The following MAP4K3 variants were observed in gnomAD, a reference collection of about 807,000 sequenced individuals.
MAP4K3 encodes the protein MAPK/ERK kinase kinase kinase 3.
In MAP4K3, 94 loss-of-function variants were observed where a neutral mutation model predicts 143.5. The observed-to-expected ratio is 0.65, with a 90% CI of 0.55 to 0.78. MAP4K3 has a LOEUF of 0.78. Ranked by LOEUF, MAP4K3 falls within the 30% of genes least tolerant of loss-of-function variation. The pLI is 0.00. For synonymous variants in MAP4K3, 416 were observed against 347.2 expected (o/e 1.20, Z -2.20); for missense variants, 1,077 against 1,068.1 (o/e 1.01, Z -0.12).
In MAP4K3 at chr2:39,409,331, A is replaced by C. The variant is rs75017236; in HGVS notation, c.96+27561T>G. On this transcript the variant is annotated intron_variant, in intron 1 of 33. Transcript: ENST00000263881. ...GACTATTAGTGGTTAAGCTTTGGGG[A>C]AGTCAAAAAGTTATACATGGATTTT... Among the ~76,000 whole-genome samples, 281 of 152,334 alleles carry C rather than the reference A, an allele frequency of 1.8e-3. 1 individual carries two copies. The highest frequency in any genetic ancestry group is 3.4e-3 in the Middle Eastern group (1 of 294).
At chr2:39,318,084 TGTCCTCTGCAGC>T (rs1213173070) in intron 12 of MAP4K3, among the ~76,000 whole-genome samples, 1 of 152,056 alleles carries the variant, frequency 6.6e-6, no homozygotes, top group African/African-American at 2.4e-5. Flanking sequence ...AACGAGATAG[TGTCCTCTGCAGC>T]AACAAGGATG....
At chr2:39,404,144 C>T (rs371175120) in intron 1 of MAP4K3, among the ~76,000 whole-genome samples, 34 of 152,144 alleles carry the variant, frequency 2.2e-4, no homozygotes, top group East Asian at 1.7e-3. Context: ...TGAAAACCAG[C>T]GCATGCCCAG....
chr2:39,312,964 A>G (rs1682990973), intron 13 of MAP4K3, among the ~76,000 whole-genome samples: 1 of 152,214 alleles, frequency 6.6e-6, no homozygotes, highest in Non-Finnish European at 1.5e-5. Flanking sequence ...ATGCTGTCTT[A>G]CTAAAAGCCG....
chr2:39,406,878 A>C (rs559924150), intron 1 of MAP4K3, among the ~76,000 whole-genome samples: 6 of 152,314 alleles, frequency 3.9e-5, no homozygotes, highest in African/African-American at 1.4e-4. Flanking sequence ...AGAAAAACTA[A>C]AAGAAAAGAA....
intron 1 of MAP4K3, among the ~76,000 whole-genome samples, chr2:39,430,937 T>C (rs931940317): frequency 6.6e-6 from 1 of 152,220 alleles, no homozygotes; most frequent in Non-Finnish European, 1.5e-5. Flanking sequence ...TCTAAACTCA[T>C]GTAGCCATGG....
intron 13 of MAP4K3, among the ~76,000 whole-genome samples, chr2:39,311,509 G>C (rs114989520): frequency 5.3e-5 from 8 of 152,296 alleles, no homozygotes; most frequent in African/African-American, 1.9e-4. Context: ...CATTGGATCA[G>C]CGTTGGCTGA....
At chr2:39,402,104 G>A (rs952389604) in intron 1 of MAP4K3, among the ~76,000 whole-genome samples, 4 of 151,902 alleles carry the variant, frequency 2.6e-5, no homozygotes, top group Non-Finnish European at 4.4e-5. Flanking sequence ...TAGAAACACG[G>A]ACTACGAAAA....
Position 39,290,354 on chromosome 2 carries a change from G to T in MAP4K3, c.1272-20C>A. 2 of 1,559,428 alleles carry T rather than the reference G, an allele frequency of 1.3e-6. No homozygotes were observed. The highest frequency in any genetic ancestry group is 1.8e-6 in the Non-Finnish European group (2 of 1,140,016). On this transcript the variant is annotated intron_variant, in intron 18 of 33. Transcript: ENST00000263881. The stretch of plus-strand genomic sequence containing the variant: ...GTTGAGCTAAAAACAGAAAAGTTTA[G>T]AATCAGAACTATTCATTTTACAAAT...
chr2:39,335,954 T>G (rs3770660), intron 6 of MAP4K3, among the ~76,000 whole-genome samples: 1 of 152,022 alleles, frequency 6.6e-6, no homozygotes, highest in South Asian at 2.1e-4. Context: ...AAAATCTTTA[T>G]GTTAGAGAAA....
At chr2:39,389,147 G>A (rs1666586629) in intron 1 of MAP4K3, among the ~76,000 whole-genome samples, 1 of 152,060 alleles carries the variant, frequency 6.6e-6, no homozygotes, top group Middle Eastern at 3.4e-3. Flanking sequence ...AGAAGCAAGA[G>A]GCTAACAAAA....
chr2:39,271,700 T>C, intron 26 of MAP4K3, among the ~76,000 whole-genome samples: 1 of 152,256 alleles, frequency 6.6e-6, no homozygotes, highest in South Asian at 2.1e-4. Context: ...CCACTGATCC[T>C]CCCACTTCAG....
chr2:39,268,646 T>TTTTTTTC (rs1680880901), intron 26 of MAP4K3, among the ~76,000 whole-genome samples: 2 of 122,936 alleles, frequency 1.6e-5, no homozygotes, highest in Non-Finnish European at 3.6e-5. Context: ...TTTTTTTTTT[T>TTTTTTTC]TTTTTTTTTT....
intron 1 of MAP4K3, among the ~76,000 whole-genome samples, chr2:39,382,403 C>T (rs543932663): frequency 6.6e-6 from 1 of 152,304 alleles, no homozygotes; most frequent in East Asian, 1.9e-4. Context: ...AATACAAGTT[C>T]TGAGTGAGAG....
Position 39,299,791 on chromosome 2 carries a change from A to T in MAP4K3, c.1130T>A (p.Leu377Gln), listed in dbSNP as rs372032525. 83 of 1,571,608 alleles carry T rather than the reference A, an allele frequency of 5.3e-5. No homozygotes were observed. The highest frequency in any genetic ancestry group is 4.2e-4 in the Admixed American group (23 of 54,388). The change falls in exon 16 of 34, where the codon CTG (leucine) becomes CAG (glutamine). Residue 377 changes from leucine to glutamine, a missense_variant. Around this residue, in one of 2 missense-constraint regions of MAP4K3, gnomAD observed 864 missense variants for 801.2 expected, o/e 1.08. Transcript: ENST00000263881. ...ACCTTGGTGTCCTTGTCCATATTCC[A>T]GTTGCAGATCCTAATAGTACAAAAT... ...YTARSNLDLQLEYGQGHQGGY... is the reference protein window; with the variant it reads ...YTARSNLDLQQEYGQGHQGGY...
chr2:39,302,694 T>C (rs1020555958), intron 15 of MAP4K3, among the ~76,000 whole-genome samples: 1 of 152,184 alleles, frequency 6.6e-6, no homozygotes, highest in Non-Finnish European at 1.5e-5. Flanking sequence ...AACACTTGAG[T>C]ATGCCAGCAT....
At chr2:39,386,755 G>A (rs1420094157) in intron 1 of MAP4K3, among the ~76,000 whole-genome samples, 2 of 151,398 alleles carry the variant, frequency 1.3e-5, no homozygotes, top group African/African-American at 4.9e-5. Context: ...TATTGATCTA[G>A]TGATTGTGTG....
chr2:39,392,176 T>G (rs1666681603), intron 1 of MAP4K3, among the ~76,000 whole-genome samples: 1 of 67,882 alleles, frequency 1.5e-5, no homozygotes, highest in Non-Finnish European at 2.6e-5. Context: ...AGAACGACAC[T>G]CCTACTCAAA....
Position 39,436,922 on chromosome 2 carries a change from G to A in MAP4K3, c.66C>T (p.Ile22=). Residue 22 remains isoleucine (I), a synonymous_variant, in exon 1 of 34, where the codon ATC becomes ATT. Coordinates refer to ENST00000263881, the MANE Select transcript of MAP4K3 (RefSeq NM_003618.4). ...PQEDFELIQR[I]GSGTYGDVYK... is the part of the protein sequence containing the mutation. ...AGACGTCGCCGTAGGTGCCGCTGCC[G>A]ATGCGCTGAATCAGCTCGAAGTCCT... 1 of 1,612,644 alleles carries A rather than the reference G, an allele frequency of 6.2e-7. No homozygotes were observed. The highest frequency in any genetic ancestry group is 8.5e-7 in the Non-Finnish European group (1 of 1,179,432).
intron 1 of MAP4K3, among the ~76,000 whole-genome samples, chr2:39,430,205 A>G (rs1448665930): frequency 2.0e-5 from 3 of 152,230 alleles, no homozygotes; most frequent in Non-Finnish European, 4.4e-5. Flanking sequence ...GATGAAGAGG[A>G]GATTCTTTGA....
Sources: gnomAD v4.1 joint callset for allele counts (sites outside exome capture counted in the v4.1 genomes callset) on GRCh38, gnomAD v4.1.1 for gene constraint, gnomAD v4.1.1 regional missense constraint, MANE v1.5 for transcripts, NCBI Gene and HGNC (gene_info 2026-07-23, HGNC 2026-07-21) for gene names.